The following A2M variants were observed in gnomAD, a reference collection of about 807,000 sequenced individuals.
A2M encodes C3 and PZP-like alpha-2-macroglobulin domain-containing protein 5.
In A2M, 128 loss-of-function variants were observed where a neutral mutation model predicts 183.9. That is an observed-to-expected ratio of 0.70 (90% confidence interval 0.60 to 0.81). The LOEUF is 0.81. Among genes scored for constraint, A2M ranks in the 30% least tolerant of loss-of-function variants. The probability of loss-of-function intolerance (pLI) is 0.00; values close to 1 mark genes in which losing one functional copy is unlikely to be tolerated. For missense variants in A2M, 1,495 were observed against 1,787.6 expected (o/e 0.84, Z 2.95); for synonymous variants, 592 against 670.8 (o/e 0.88, Z 1.81).
chr12:9,070,980 C>T (rs999789180), intron 31 of A2M, among the ~76,000 whole-genome samples: 5 of 152,130 alleles, frequency 3.3e-5, no homozygotes, highest in Non-Finnish European at 5.9e-5. Context: ...ACCACCACGT[C>T]CGACTAATTT....
intron 12 of A2M, 42 bp from the exon 13 acceptor site, chr12:9,101,249 G>T: frequency 6.5e-7 from 1 of 1,535,720 alleles, no homozygotes; most frequent in Non-Finnish European, 8.8e-7. Context: ...GTGCCAGAGA[G>T]AACACGCTTC....
chr12:9,072,458 T>C lies in A2M; in HGVS notation c.4004A>G (p.Glu1335Gly), dbSNP rs763791250. The change falls in exon 31 of 36, where the codon GAA (glutamate) becomes GGA (glycine). Residue 1335 changes from glutamate (E) to glycine (G), a missense_variant. Physicochemically the swap from Glu to Gly is moderately conservative, Grantham distance 98. Coordinates refer to ENST00000318602, the MANE Select transcript of A2M (RefSeq NM_000014.6). ...QTSLKYNILPEKEEFPFALGV... is the reference protein window; with the variant it reads ...QTSLKYNILPGKEEFPFALGV... ...TAAAGCAAAGGGGAACTCTTCCTTT[T>C]CTGGGAGAATATTGTATTTCAAGGA... 1 of 1,612,758 alleles carries C rather than the reference T, an allele frequency of 6.2e-7. No individual in the cohort carries two copies. Among genetic ancestry groups the C allele is most frequent in the Non-Finnish European group, 8.5e-7 (1 of 1,179,602 alleles).
rs191120289 is a variant in A2M at position 9,074,556 on chromosome 12, C to T, written c.3756+4G>A. On this transcript the variant is annotated splice_donor_region_variant and intron_variant, in intron 29 of 35. Transcript: ENST00000318602. ...GAAATAAAAGGTTTTGGCAAATCACCAACCTGGGTGGAGGAGAAACCGCCC... is the reference window on the plus strand; with the variant it reads ...GAAATAAAAGGTTTTGGCAAATCACTAACCTGGGTGGAGGAGAAACCGCCC... The T allele has an allele frequency of 3.1e-4, 492 of 1,604,128 alleles. 6 individuals are homozygous for T. The East Asian group carries it at 9.0e-3, about 29-fold the overall frequency.
Position 9,076,810 on chromosome 12 carries a change from GGTTA to G in A2M, c.3474_3477del (p.Asn1159ArgfsTer16). On this transcript the variant is annotated frameshift_variant, in exon 28 of 36. Coordinates refer to ENST00000318602, the MANE Select transcript of A2M (RefSeq NM_000014.6). LOFTEE classifies it high-confidence loss of function. ...TTGAGTACTTCCTTCCTCTTGTCCTGGTTACCTGCCAGGGCAAAAGCATAGGCCA... is the reference window on the plus strand; with the variant it reads ...TTGAGTACTTCCTTCCTCTTGTCCTGCCTGCCAGGGCAAAAGCATAGGCCA... 1 of 1,613,940 alleles carries G rather than the reference GGTTA, an allele frequency of 6.2e-7. No individual in the cohort carries two copies. The highest frequency in any genetic ancestry group is 8.5e-7 in the Non-Finnish European group (1 of 1,179,936).
chr12:9,098,639 T>G lies in A2M; in HGVS notation c.1819A>C (p.Met607Leu). The G allele has an allele frequency of 1.2e-6, 2 of 1,608,602 alleles. No individual in the cohort carries two copies. Among genetic ancestry groups the G allele is most frequent in the African/African-American group, 1.3e-5 (1 of 74,960 alleles). Reference sequence around the variant, plus strand: ...GCCGAGAGCTCAGCATCAGGCTTCATGAGCAGCACGCTTTGGTCCACAGCA... The same window carrying G: ...GCCGAGAGCTCAGCATCAGGCTTCAGGAGCAGCACGCTTTGGTCCACAGCA... Reference protein sequence around the residue: ...LRAVDQSVLLMKPDAELSASS... With the variant: ...LRAVDQSVLLLKPDAELSASS... The change falls in exon 15 of 36, where the codon ATG becomes CTG. Residue 607 changes from methionine (M) to leucine (L), a missense_variant. By Grantham distance (15) the Met-to-Leu change is conservative (BLOSUM62 2). Coordinates refer to ENST00000318602, the MANE Select transcript of A2M (RefSeq NM_000014.6).
rs140265333 is a variant in A2M at position 9,111,317 on chromosome 12, G to A, written c.483+842C>T. Among the ~76,000 whole-genome samples, 158 of 152,182 alleles carry A rather than the reference G, an allele frequency of 1.0e-3. 1 individual carries two copies. The highest frequency in any genetic ancestry group is 3.7e-3 in the African/African-American group (153 of 41,522). ...TAGGCAGATTTTTAAAAATCAATACGTATAGAATGGTGGTAAGTGCAAATA... is the reference window on the plus strand; with the variant it reads ...TAGGCAGATTTTTAAAAATCAATACATATAGAATGGTGGTAAGTGCAAATA... On this transcript the variant is annotated intron_variant, in intron 4 of 35. Transcript: ENST00000318602.
chr12:9,075,727 G>A (rs1418708184), intron 28 of A2M, among the ~76,000 whole-genome samples: 2 of 152,112 alleles, frequency 1.3e-5, no homozygotes, highest in Admixed American at 1.3e-4. Context: ...TATTAGTTAG[G>A]GATACATATG....
intron 18 of A2M, among the ~76,000 whole-genome samples, chr12:9,092,415 C>T (rs1949240627): frequency 6.6e-6 from 1 of 152,126 alleles, no homozygotes; most frequent in African/African-American, 2.4e-5. Context: ...TACCCGCCCC[C>T]ACCACCCCTT....
intron 22 of A2M, among the ~76,000 whole-genome samples, chr12:9,086,014 T>A (rs1035367384): frequency 6.6e-6 from 1 of 152,136 alleles, no homozygotes; most frequent in African/African-American, 2.4e-5. Context: ...AAGTTTTCCA[T>A]TAAAGAAAAG....
chr12:9,068,653 G>T, intron 34 of A2M, 87 bp downstream of exon 34: 1 of 1,058,096 alleles, frequency 9.5e-7, no homozygotes, highest in Non-Finnish European at 1.4e-6. Context: ...ATTACTTAAT[G>T]TAATAAATAA....
At chr12:9,105,933 C>T (rs1478805983) in intron 10 of A2M, among the ~76,000 whole-genome samples, 1 of 151,972 alleles carries the variant, frequency 6.6e-6, no homozygotes, top group Non-Finnish European at 1.5e-5. Flanking sequence ...GCCTGGTAAA[C>T]CATGAGAAGG....
chr12:9,116,161 C>A, upstream of A2M: 1 of 358,454 alleles, frequency 2.8e-6, no homozygotes, highest in South Asian at 2.3e-5. Context: ...GCTTTTCAAC[C>A]TCTTCTCTCC....
chr12:9,080,046 A>G, intron 23 of A2M, 48 bp downstream of exon 23: 1 of 1,215,536 alleles, frequency 8.2e-7, no homozygotes, highest in Non-Finnish European at 1.1e-6. Context: ...TAAAAATAGT[A>G]TAATAGAAGC....
chr12:9,068,944 C>T, intron 33 of A2M, 102 bp from the exon 34 acceptor site: 1 of 743,948 alleles, frequency 1.3e-6, no homozygotes, highest in Non-Finnish European at 2.2e-6. Context: ...GCTTTATTAT[C>T]CTACAGCACA....
intron 25 of A2M, 42 bp from the exon 26 acceptor site, chr12:9,077,899 A>G: frequency 6.2e-7 from 1 of 1,613,388 alleles, no homozygotes; most frequent in African/African-American, 1.3e-5. Context: ...TGTTGTCAAA[A>G]TGGTTTTATA....
chr12:9,093,838 G>A (rs951657863), intron 17 of A2M, among the ~76,000 whole-genome samples: 40 of 147,888 alleles, frequency 2.7e-4, no homozygotes, highest in Non-Finnish European at 1.9e-4. Context: ...AGGCCGAGAC[G>A]GCGCCACTGC....
chr12:9,104,288 T>G lies in A2M; in HGVS notation c.1217A>C (p.Gln406Pro). The change falls in exon 11 of 36, where the codon CAG becomes CCG. Residue 406 changes from glutamine (Q) to proline (P), a missense_variant. By Grantham distance (76) the Gln-to-Pro change is moderately conservative. Transcript: ENST00000318602. ...AACATTGGTGGTGTTGATAGAGAAC[T>G]GTACAAGGCCATGCTCATCCGTGGT... ...NATTDEHGLVQFSINTTNVMG... is the reference protein window; with the variant it reads ...NATTDEHGLVPFSINTTNVMG... The G allele has an allele frequency of 6.2e-7, 1 of 1,613,058 alleles. No homozygotes were observed. The highest frequency in any genetic ancestry group is 8.5e-7 in the Non-Finnish European group (1 of 1,179,458).
chr12:9,083,930 G>A lies in A2M; in HGVS notation c.2771-3753C>T, dbSNP rs186310684. On this transcript the variant is annotated intron_variant, in intron 22 of 35. Transcript: ENST00000318602. ...CAAAAAAAAATTCTGAAAAGCAGAA[G>A]GTGATAAAGAAACATATCACATACA... Among the ~76,000 whole-genome samples the A allele has an allele frequency of 2.0e-4, 31 of 151,958 alleles. No homozygotes were observed. The East Asian group carries it at 5.4e-3, about 26-fold the overall frequency.
chr12:9,086,855 T>C (rs1013679874), intron 22 of A2M, among the ~76,000 whole-genome samples: 2 of 152,216 alleles, frequency 1.3e-5, no homozygotes, highest in South Asian at 2.1e-4. Flanking sequence ...ATTTTCACTG[T>C]TGGTGATGAC....
Sources: gnomAD v4.1 joint callset for allele counts (sites outside exome capture counted in the v4.1 genomes callset) on GRCh38, gnomAD v4.1.1 for gene constraint, MANE v1.5 for transcripts, NCBI Gene and HGNC (gene_info 2026-07-23, HGNC 2026-07-21) for gene names.